Variants in FAAH2 observed in about 807,000 individuals in gnomAD.
FAAH2 encodes the protein fatty-acid amide hydrolase 2.
Under a neutral mutation model 36.9 loss-of-function variants are expected in FAAH2, and 60 were observed. The observed-to-expected ratio is 1.63, with a 90% confidence interval of 1.32 to 2.02. The LOEUF (loss-of-function observed/expected upper bound fraction) is 2.02. FAAH2 is among the 30% of genes most tolerant of loss of function. The probability of loss-of-function intolerance (pLI) is 0.00; values close to 1 mark genes in which losing one functional copy is unlikely to be tolerated. For missense variants in FAAH2, 689 were observed against 397.5 expected (o/e 1.73, Z -6.23); for synonymous variants, 214 against 143.8 (o/e 1.49, Z -3.49).
At chrX:57,459,321 G>A (rs2056917182) in intron 10 of FAAH2, among the ~76,000 whole-genome samples, 1 of 112,359 alleles carries the variant, frequency 8.9e-6, no homozygotes, top group African/African-American at 3.2e-5. Flanking sequence ...AAAGGCAGCA[G>A]CCCCAGGCAG....
At chrX:57,403,793 T>A (rs778236545) in intron 7 of FAAH2, among the ~76,000 whole-genome samples, 2 of 112,052 alleles carry the variant, frequency 1.8e-5, no homozygotes, top group South Asian at 3.7e-4. Context: ...CTGAAGGGAG[T>A]CCCTCCTAGG....
At chrX:57,263,818 C>T in the FAAH2 span, among the ~76,000 whole-genome samples, 1 of 111,416 alleles carries the variant, frequency 9.0e-6, no homozygotes, top group Non-Finnish European at 1.9e-5. Flanking sequence ...CTCTTGGAAT[C>T]AAGACTGTGT....
chrX:57,398,533 G>C (rs2055357455), intron 7 of FAAH2, among the ~76,000 whole-genome samples: 1 of 109,984 alleles, frequency 9.1e-6, no homozygotes, highest in Non-Finnish European at 1.9e-5. Context: ...TCTTGAAGAT[G>C]TTGTTCATTT....
chrX:57,317,050 C>T (rs1045089056), intron 3 of FAAH2, among the ~76,000 whole-genome samples: 2 of 111,733 alleles, frequency 1.8e-5, no homozygotes, highest in Admixed American at 9.6e-5. Flanking sequence ...AACTAATAAA[C>T]AAATAACCCA....
At chrX:57,401,923 G>A (rs1032263260) in intron 7 of FAAH2, among the ~76,000 whole-genome samples, 2 of 111,521 alleles carry the variant, frequency 1.8e-5, no homozygotes, top group African/African-American at 6.5e-5. Flanking sequence ...TGTGAAAAGA[G>A]TAAAGTTCCC....
chrX:57,453,434 ACTC>A (rs1183254987), intron 10 of FAAH2, among the ~76,000 whole-genome samples: 1 of 111,689 alleles, frequency 9.0e-6, no homozygotes. Context: ...TTCTTTCTGA[ACTC>A]TGCCAGTGGA....
At chrX:57,155,517 A>G in the FAAH2 span, among the ~76,000 whole-genome samples, 1 of 112,179 alleles carries the variant, frequency 8.9e-6, no homozygotes, top group Non-Finnish European at 1.9e-5. Flanking sequence ...CCATGCCCCA[A>G]TAGCACTGAG....
chrX:57,366,087 G>A (rs1435033074), intron 5 of FAAH2, among the ~76,000 whole-genome samples: 2 of 111,944 alleles, frequency 1.8e-5, no homozygotes, highest in Non-Finnish European at 3.8e-5. Context: ...TTGTTTGGAG[G>A]TAAGAAGACA....
At chrX:57,437,950 T>C (rs945653348) in intron 8 of FAAH2, among the ~76,000 whole-genome samples, 1 of 103,856 alleles carries the variant, frequency 9.6e-6, no homozygotes, top group African/African-American at 3.4e-5. Context: ...GGTACATGTA[T>C]ACACATATAT....
At chrX:57,479,099 A>T (rs1451039383) in intron 10 of FAAH2, among the ~76,000 whole-genome samples, 1 of 111,701 alleles carries the variant, frequency 9.0e-6, no homozygotes, top group African/African-American at 3.3e-5. Context: ...TTTTCACGAT[A>T]TTGATTCTTC....
intron 7 of FAAH2, among the ~76,000 whole-genome samples, chrX:57,418,761 G>C (rs1377829415): frequency 9.2e-6 from 1 of 109,131 alleles, no homozygotes; most frequent in African/African-American, 3.3e-5. Flanking sequence ...GGGTACATGT[G>C]CACAATGTGC....
At chrX:57,255,405 A>T in the FAAH2 span, among the ~76,000 whole-genome samples, 1 of 112,067 alleles carries the variant, frequency 8.9e-6, no homozygotes, top group African/African-American at 3.2e-5. Flanking sequence ...AAAAGAGGGA[A>T]TCCTCCCTAA....
At chrX:57,422,290 G>A (rs2056057366) in intron 7 of FAAH2, among the ~76,000 whole-genome samples, 1 of 111,738 alleles carries the variant, frequency 8.9e-6, no homozygotes, top group African/African-American at 3.3e-5. Flanking sequence ...GATGTGATGG[G>A]AATTACCACC....
the FAAH2 span, among the ~76,000 whole-genome samples, chrX:57,160,377 C>T: frequency 1.8e-5 from 2 of 111,936 alleles, no homozygotes; most frequent in Non-Finnish European, 1.9e-5. Context: ...GGAGGATTGC[C>T]TCTTTTTCTA....
chrX:57,204,358 C>T, the FAAH2 span, among the ~76,000 whole-genome samples: 1 of 111,059 alleles, frequency 9.0e-6, no homozygotes, highest in Non-Finnish European at 1.9e-5. Context: ...GATAAATATA[C>T]CCAATAAGTA....
At chrX:57,203,227 A>C in the FAAH2 span, among the ~76,000 whole-genome samples, 1 of 112,367 alleles carries the variant, frequency 8.9e-6, no homozygotes, top group African/African-American at 3.2e-5. Flanking sequence ...TACTTAAAGT[A>C]TTCCTTATGG....
intron 5 of FAAH2, among the ~76,000 whole-genome samples, chrX:57,373,601 T>G (rs2054603812): frequency 9.0e-6 from 1 of 111,477 alleles, no homozygotes; most frequent in Admixed American, 9.5e-5. Context: ...TTGTTTGAGT[T>G]CTTTCTAGAT....
At chrX:57,278,230 G>A in the FAAH2 span, among the ~76,000 whole-genome samples, 1 of 111,366 alleles carries the variant, frequency 9.0e-6, no homozygotes, top group Non-Finnish European at 1.9e-5. Context: ...AAGATATATG[G>A]ACCAATGGAA....
At chrX:57,478,920 A>G (rs765300855) in intron 10 of FAAH2, among the ~76,000 whole-genome samples, 2 of 111,456 alleles carry the variant, frequency 1.8e-5, no homozygotes, top group Non-Finnish European at 3.8e-5. Flanking sequence ...GTCAGGTAGC[A>G]TGATGCCTCC....
Sources: allele counts gnomAD v4.1 joint callset (sites outside exome capture counted in the v4.1 genomes callset), GRCh38; gene constraint gnomAD v4.1.1; transcripts MANE v1.5; gene names NCBI Gene and HGNC (gene_info 2026-07-23, HGNC 2026-07-21).